PCDHGA6: variants seen among roughly 807,000 people sequenced by gnomAD.
PCDHGA6 encodes the protein protocadherin gamma subfamily A, 6.
A neutral mutation model predicts 60.6 loss-of-function variants in PCDHGA6; 41 were observed. That is an observed-to-expected ratio of 0.68 (90% CI 0.53 to 0.88). PCDHGA6 has a LOEUF of 0.88. Among genes scored for constraint, PCDHGA6 ranks in the 40% least tolerant of loss-of-function variants. The pLI is 0.00. For synonymous variants in PCDHGA6, 594 were observed against 524.4 expected (o/e 1.13, Z -1.81); for missense variants, 1,312 against 1,203.0 (o/e 1.09, Z -1.34).
At chr5:141,492,197 TA>T (rs2099738125) in intron 1 of PCDHGA6, among the ~76,000 whole-genome samples, 1 of 152,200 alleles carries the variant, frequency 6.6e-6, no homozygotes, top group African/African-American at 2.4e-5. Flanking sequence ...CTGCGGGACT[TA>T]GGTGTGCGCG....
At chr5:141,504,634 AG>A (rs2099839600) in intron 2 of PCDHGA6, among the ~76,000 whole-genome samples, 1 of 115,756 alleles carries the variant, frequency 8.6e-6, no homozygotes, top group Non-Finnish European at 1.7e-5. Context: ...ACCTTGGAAA[AG>A]GTTTGATGAT....
At chr5:141,492,121 C>G (rs1205499685) in intron 1 of PCDHGA6, among the ~76,000 whole-genome samples, 1 of 152,232 alleles carries the variant, frequency 6.6e-6, no homozygotes, top group Non-Finnish European at 1.5e-5. Context: ...CGATTTCTCC[C>G]CAGCTCCCAG....
At chr5:141,463,900 C>G (rs879243077) in intron 1 of PCDHGA6, among the ~76,000 whole-genome samples, 4 of 152,168 alleles carry the variant, frequency 2.6e-5, no homozygotes, top group Admixed American at 2.6e-4. Context: ...GCTTTTTGTA[C>G]TAATAATATA....
At position 141,375,378 on chromosome 5, in the gene PCDHGA6, T is replaced by A. The variant is rs1226520501; in HGVS notation, c.1295T>A (p.Leu432Gln). 11 of 1,613,954 alleles carry A rather than the reference T, an allele frequency of 6.8e-6. No individual in the cohort carries two copies. Among genetic ancestry groups the A allele is most frequent in the Non-Finnish European group, 9.3e-6 (11 of 1,180,010 alleles). Residue 432 changes from leucine (L) to glutamine (Q), a missense_variant, in exon 1 of 4, where the codon CTG becomes CAG. Coordinates refer to ENST00000517434, the MANE Select transcript of PCDHGA6 (RefSeq NM_018919.3). ...VTATDKGTPP[L>Q]STETIISLNV... ...GCCACGGACAAAGGAACACCACCTC[T>A]GTCTACAGAAACAATCATCTCTCTA...
rs754537015 is a variant in PCDHGA6 at position 141,431,184 on chromosome 5, T to C, written c.2424+54677T>C. The C allele has an allele frequency of 2.5e-6, 4 of 1,614,090 alleles. No individual in the cohort carries two copies. In the South Asian group the frequency reaches 3.3e-5, roughly 13 times the overall value. ...CGTGAAAGTGAATTAGAAATAAAAATTAGTGAAAATGCAGCCACTGAGATG... is the reference window on the plus strand; with the variant it reads ...CGTGAAAGTGAATTAGAAATAAAAACTAGTGAAAATGCAGCCACTGAGATG... On this transcript the variant is annotated intron_variant, in intron 1 of 3. Coordinates refer to ENST00000517434, the MANE Select transcript of PCDHGA6 (RefSeq NM_018919.3). This position sits in a 1 kb window ranked among gnomAD's most constrained non-coding sequence, Gnocchi z 4.8.
intron 1 of PCDHGA6, chr5:141,421,860 C>G: frequency 8.1e-6 from 13 of 1,613,750 alleles, no homozygotes; most frequent in Non-Finnish European, 1.1e-5. Context: ...CTCACCTGCT[C>G]CTCCTCACAG....
At chr5:141,410,195 G>C (rs769655902) in intron 1 of PCDHGA6, 1 of 1,613,966 alleles carries the variant, frequency 6.2e-7, no homozygotes, top group South Asian at 1.1e-5. Flanking sequence ...TCTGGTCTTC[G>C]CAGACAACTT....
At chr5:141,404,816 C>A in intron 1 of PCDHGA6, 1 of 1,610,374 alleles carries the variant, frequency 6.2e-7, no homozygotes, top group Non-Finnish European at 8.5e-7. Flanking sequence ...GGTGGGGCTG[C>A]ACACAGGTGA....
chr5:141,389,843 G>A lies in PCDHGA6; in HGVS notation c.2424+13336G>A, dbSNP rs372102656. On this transcript the variant is annotated intron_variant, in intron 1 of 3. Transcript: ENST00000517434. ...GTGACGGTGGACAGCCACCACTCTC[G>A]GCCACTGCCACGTTGCACCTGGTCT... is the stretch of plus-strand genomic sequence containing the variant. The A allele has an allele frequency of 3.7e-6, 6 of 1,613,898 alleles. 1 individual carries two copies. The highest frequency in any genetic ancestry group is 2.7e-5 in the African/African-American group (2 of 74,948).
intron 1 of PCDHGA6, chr5:141,405,106 C>G: frequency 6.2e-7 from 1 of 1,613,964 alleles, no homozygotes; most frequent in Non-Finnish European, 8.5e-7. Flanking sequence ...GGCTGAGGCA[C>G]TGGCACTCCT....
At chr5:141,467,987 A>G (rs888811899) in intron 1 of PCDHGA6, among the ~76,000 whole-genome samples, 10 of 152,216 alleles carry the variant, frequency 6.6e-5, no homozygotes, top group Non-Finnish European at 8.8e-5. Flanking sequence ...TCAGAAAACC[A>G]CAATTCTTTC....
chr5:141,408,201 C>T (rs1036342508), intron 1 of PCDHGA6: 4 of 1,548,914 alleles, frequency 2.6e-6, no homozygotes, highest in South Asian at 2.4e-5. Flanking sequence ...CCCGAGCGAA[C>T]GATGGGAGGG....
Position 141,485,665 on chromosome 5 carries a change from C to G in PCDHGA6, c.2425-9142C>G. ...AGGCTCAGGATGCAGATGTGGGGAG[C>G]AATTCGATTAGCAGCTATAGGCTGA... On this transcript the variant is annotated intron_variant, in intron 1 of 3. Coordinates refer to ENST00000517434, the MANE Select transcript of PCDHGA6 (RefSeq NM_018919.3). This position sits in a 1 kb window ranked among gnomAD's most constrained non-coding sequence, Gnocchi z 5.7. 1 of 1,612,622 alleles carries G rather than the reference C, an allele frequency of 6.2e-7. No individual in the cohort carries two copies.
At chr5:141,404,877 T>C in intron 1 of PCDHGA6, 1 of 1,613,856 alleles carries the variant, frequency 6.2e-7, no homozygotes, top group East Asian at 2.2e-5. Flanking sequence ...AAACAGAGCC[T>C]TGTGGTGGCT....
At chr5:141,400,031 G>T in intron 1 of PCDHGA6, 1 of 1,613,082 alleles carries the variant, frequency 6.2e-7, no homozygotes, top group Admixed American at 1.7e-5. Flanking sequence ...GACGCGGCCC[G>T]CCAGCGCCTG....
rs754836894 is a variant in PCDHGA6, at chr5:141,432,969, C to A, written c.2424+56462C>A. 6.2e-7 allele frequency: 1 copy of A among 1,614,148 alleles called. No individual in the cohort carries two copies. Among genetic ancestry groups the A allele is most frequent in the East Asian group, 2.2e-5 (1 of 44,852 alleles). ...GGAGGCGGCTTGACAGGAGCGCCGG[C>A]GTCGCACTTTGTGGGCGTGGACGGG... is the stretch of plus-strand genomic sequence containing the variant. On this transcript the variant is annotated intron_variant, in intron 1 of 3. Coordinates refer to ENST00000517434, the MANE Select transcript of PCDHGA6 (RefSeq NM_018919.3). This position sits in a 1 kb window ranked among gnomAD's most constrained non-coding sequence, Gnocchi z 6.0.
intron 1 of PCDHGA6, chr5:141,423,750 TGG>T (rs144521096): frequency 3.2e-4 from 92 of 287,850 alleles, no homozygotes; most frequent in South Asian, 5.2e-4. Context: ...GAAAACTGTT[TGG>T]GGGGGGGGTG....
intron 1 of PCDHGA6, among the ~76,000 whole-genome samples, chr5:141,460,251 A>G (rs2098984972): frequency 6.6e-6 from 1 of 152,114 alleles, no homozygotes; most frequent in Admixed American, 6.6e-5. Context: ...TAATTTTGAT[A>G]AAGCCCAATT....
chr5:141,505,363 T>A, intron 2 of PCDHGA6, 30 bp from the exon 3 acceptor site: 1 of 1,613,360 alleles, frequency 6.2e-7, no homozygotes, highest in Non-Finnish European at 8.5e-7. Context: ...GGCCTGGGAG[T>A]CTGTGCTCAC....
Sources: gnomAD v4.1 joint callset for allele counts (sites outside exome capture counted in the v4.1 genomes callset) on GRCh38, gnomAD v4.1.1 for gene constraint, Gnocchi (gnomAD v3.1) non-coding constraint, MANE v1.5 for transcripts, NCBI Gene and HGNC (gene_info 2026-07-23, HGNC 2026-07-21) for gene names.